The following ARHGEF4 variants were observed in gnomAD, a reference collection of about 807,000 sequenced individuals.
The protein encoded by ARHGEF4 is Rho guanine nucleotide exchange factor 4, also known as APC-stimulated guanine nucleotide exchange factor 1.
A neutral mutation model predicts 162.0 loss-of-function variants in ARHGEF4; 119 were observed. That is an observed-to-expected ratio of 0.73 (90% confidence interval 0.63 to 0.86). The LOEUF is 0.86. ARHGEF4 is among the 40% of genes least tolerant of loss of function. The probability of loss-of-function intolerance (pLI) is 0.00; values close to 1 mark genes in which losing one functional copy is unlikely to be tolerated. For synonymous variants in ARHGEF4, 1,014 were observed against 979.9 expected (o/e 1.03, Z -0.65); for missense variants, 2,488 against 2,456.0 (o/e 1.01, Z -0.28).
In ARHGEF4 at chr2:131,041,846, G is replaced by A; in HGVS notation, c.4927G>A (p.Ala1643Thr). The A allele has an allele frequency of 6.2e-7, 1 of 1,613,602 alleles. No homozygotes were observed. Among genetic ancestry groups the A allele is most frequent in the Non-Finnish European group, 8.5e-7 (1 of 1,180,016 alleles). Residue 1643 changes from alanine (A) to threonine (T), a missense_variant, in exon 10 of 14, where the codon GCC becomes ACC. This residue lies in a region of ARHGEF4 where 415 missense variants were observed against 512.4 expected (regional missense o/e 0.81). Transcript: ENST00000409359. The stretch of plus-strand genomic sequence containing the variant: ...CAAGGATGTTGAAGCCGCCTTGCAT[G>A]CCATGAAGAACGTGGCCCAGCTCAT... ...DFKDVEAALH[A>T]MKNVAQLINE...
At chr2:130,957,671 G>T (rs1163374549) in intron 4 of ARHGEF4, among the ~76,000 whole-genome samples, 2 of 152,152 alleles carry the variant, frequency 1.3e-5, no homozygotes, top group Admixed American at 1.3e-4. Flanking sequence ...GGGAGGTAAG[G>T]CCTTTGGGAG....
At chr2:130,890,657 T>A in intron 1 of ARHGEF4, among the ~76,000 whole-genome samples, 1 of 152,208 alleles carries the variant, frequency 6.6e-6, no homozygotes, top group East Asian at 1.9e-4. Flanking sequence ...TCTCTTTGGC[T>A]GTGTCTGATT....
chr2:130,993,271 T>C (rs1253928566), intron 4 of ARHGEF4, among the ~76,000 whole-genome samples: 21 of 152,342 alleles, frequency 1.4e-4, no homozygotes, highest in Admixed American at 1.4e-3. Flanking sequence ...TATTGAGAAG[T>C]GTATTAATTT....
At position 130,931,139 on chromosome 2, in the gene ARHGEF4, G is replaced by A. The variant is rs762957799; in HGVS notation, c.3740G>A (p.Arg1247His). The part of the protein sequence containing the change: ...APSQPRGIPH[R>H]SPVSVDDLWL... ...TCACAGCCTAGGGGCATCCCTCACC[G>A]CTCGCCCGTCAGTGTGGATGACCTG... The change falls in exon 3 of 14, where the codon CGC (arginine) becomes CAC (histidine). Residue 1247 changes from arginine to histidine, a missense_variant. Physicochemically the swap from Arg to His is conservative, Grantham distance 29 (BLOSUM62 0). Coordinates refer to ENST00000409359, the MANE Select transcript of ARHGEF4 (RefSeq NM_001367493.1). The A allele has an allele frequency of 7.7e-5, 124 of 1,614,152 alleles. 1 individual carries two copies. The highest frequency in any genetic ancestry group is 2.5e-4 in the South Asian group (23 of 91,076).
chr2:130,851,981 G>C (rs771878711), intron 1 of ARHGEF4, among the ~76,000 whole-genome samples: 4 of 152,248 alleles, frequency 2.6e-5, no homozygotes, highest in Non-Finnish European at 4.4e-5. Flanking sequence ...CTCATGTTAG[G>C]ATTAAATAAT....
intron 4 of ARHGEF4, among the ~76,000 whole-genome samples, chr2:131,009,598 CTA>C (rs1343204295): frequency 2.6e-5 from 4 of 152,118 alleles, no homozygotes; most frequent in African/African-American, 9.7e-5. Context: ...CTTCAAGCTG[CTA>C]TTTCTTTCAG....
At chr2:130,867,301 C>T (rs769750300) in intron 1 of ARHGEF4, among the ~76,000 whole-genome samples, 9 of 151,496 alleles carry the variant, frequency 5.9e-5, no homozygotes, top group East Asian at 1.9e-4. Context: ...TGCAGTGGTG[C>T]GATCTCGGCT....
At chr2:131,045,852 A>C in intron 13 of ARHGEF4, 186 bp from the exon 14 acceptor site, 8 of 1,468,422 alleles carry the variant, frequency 5.4e-6, no homozygotes, top group Non-Finnish European at 7.2e-6. Context: ...GGCCCAGGCC[A>C]GAGACCCCAG....
At chr2:130,879,996 CTGA>C (rs1679092312) in intron 1 of ARHGEF4, among the ~76,000 whole-genome samples, 1 of 152,164 alleles carries the variant, frequency 6.6e-6, no homozygotes, top group African/African-American at 2.4e-5. Context: ...TTGTTTGCCA[CTGA>C]TGGCCCTTCC....
chr2:131,025,299 C>T (rs1462670565), intron 4 of ARHGEF4, among the ~76,000 whole-genome samples: 2 of 152,194 alleles, frequency 1.3e-5, no homozygotes, highest in South Asian at 2.1e-4. Context: ...CATTCACTAT[C>T]ACGAGAACAG....
At chr2:130,927,577 C>A (rs1453676885) in intron 2 of ARHGEF4, among the ~76,000 whole-genome samples, 1 of 152,184 alleles carries the variant, frequency 6.6e-6, no homozygotes, top group Non-Finnish European at 1.5e-5. Context: ...AGTTTTCTGT[C>A]TTGCTAGGCT....
intron 1 of ARHGEF4, among the ~76,000 whole-genome samples, chr2:130,888,733 C>A (rs2104981632): frequency 6.6e-6 from 1 of 152,150 alleles, no homozygotes; most frequent in East Asian, 1.9e-4. Context: ...TTGGATCAGA[C>A]AACATATTCT....
intron 4 of ARHGEF4, among the ~76,000 whole-genome samples, chr2:131,002,583 A>C (rs975696767): frequency 6.6e-6 from 1 of 151,988 alleles, no homozygotes; most frequent in African/African-American, 2.4e-5. Flanking sequence ...GTTGGCAGGC[A>C]CCTGTAGTCC....
At chr2:130,974,327 A>G (rs535475899) in intron 4 of ARHGEF4, among the ~76,000 whole-genome samples, 4 of 151,978 alleles carry the variant, frequency 2.6e-5, no homozygotes, top group East Asian at 1.9e-4. Context: ...TTGGCTAACT[A>G]TTTGACCAAA....
At chr2:130,987,751 A>C (rs1686619676) in intron 4 of ARHGEF4, among the ~76,000 whole-genome samples, 1 of 152,224 alleles carries the variant, frequency 6.6e-6, no homozygotes, top group Non-Finnish European at 1.5e-5. Context: ...GAGCACTGTG[A>C]GCTAGGCCAA....
At chr2:130,852,508 C>T (rs1040434066) in intron 1 of ARHGEF4, among the ~76,000 whole-genome samples, 6 of 94,930 alleles carry the variant, frequency 6.3e-5, no homozygotes, top group African/African-American at 2.0e-4. Context: ...GGGGAGCCAT[C>T]GGGCCAGACT....
rs533717237 is a variant in ARHGEF4, at chr2:131,001,398, G to C, written c.3986-26547G>C. Among the ~76,000 whole-genome samples the C allele has an allele frequency of 3.3e-5, 5 of 151,196 alleles. No individual in the cohort carries two copies. In the South Asian group the frequency reaches 8.4e-4, roughly 25 times the overall value. On this transcript the variant is annotated intron_variant, in intron 4 of 13. Transcript: ENST00000409359. The stretch of plus-strand genomic sequence containing the variant: ...ACTGGGCATGTGATGCAAATGGGCA[G>C]TTCTTAGAAGAGGAACCTGAATAAT...
At chr2:131,034,414 C>T (rs1344470589) in intron 5 of ARHGEF4, among the ~76,000 whole-genome samples, 1 of 152,200 alleles carries the variant, frequency 6.6e-6, no homozygotes, top group African/African-American at 2.4e-5. Flanking sequence ...GCAGAGGAAG[C>T]CCTGGACGCC....
intron 3 of ARHGEF4, among the ~76,000 whole-genome samples, chr2:130,940,669 AT>A (rs1307099625): frequency 6.7e-6 from 1 of 150,296 alleles, no homozygotes; most frequent in Non-Finnish European, 1.5e-5. Flanking sequence ...TCTACTAAAA[AT>A]AAAAAAAAAA....
Sources: allele counts gnomAD v4.1 joint callset (sites outside exome capture counted in the v4.1 genomes callset), GRCh38; gene constraint gnomAD v4.1.1; regional missense constraint gnomAD v4.1.1; transcripts MANE v1.5; gene names NCBI Gene and HGNC (gene_info 2026-07-23, HGNC 2026-07-21).